The following SHISAL2B variants were observed in gnomAD, a reference collection of about 807,000 sequenced individuals.
SHISAL2B encodes protein shisa-like-2B.
SHISAL2B carries 12 observed loss-of-function variants against 16.5 expected under a neutral mutation model. That is an observed-to-expected ratio of 0.73 (90% CI 0.47 to 1.18). The LOEUF (loss-of-function observed/expected upper bound fraction) is 1.18, where lower values mean the gene tolerates loss of function less well. Ranked by LOEUF, SHISAL2B falls within the 50% of genes most tolerant of loss-of-function variation. SHISAL2B has a pLI of 0.00. For missense variants in SHISAL2B, 183 were observed against 193.6 expected (o/e 0.95, Z 0.33); for synonymous variants, 72 against 75.0 (o/e 0.96, Z 0.21).
chr5:64,692,761 A>G (rs1741667784), intron 1 of SHISAL2B, among the ~76,000 whole-genome samples: 2 of 152,174 alleles, frequency 1.3e-5, no homozygotes. Context: ...TGCTGAGGAA[A>G]GGATAATTCT....
chr5:64,712,676 A>G (rs940363846), intron 2 of SHISAL2B, among the ~76,000 whole-genome samples: 3 of 151,966 alleles, frequency 2.0e-5, no homozygotes, highest in Non-Finnish European at 2.9e-5. Context: ...GGGAGTCTAA[A>G]TCTCTTTGTA....
intron 1 of SHISAL2B, among the ~76,000 whole-genome samples, chr5:64,695,254 GACACC>G (rs1280413122): frequency 1.6e-5 from 2 of 125,398 alleles, no homozygotes; most frequent in African/African-American, 7.0e-5. Context: ...TTCAGAGTGA[GACACC>G]ATCTCAAAAA....
At chr5:64,703,594 T>A (rs1439308186) in intron 2 of SHISAL2B, among the ~76,000 whole-genome samples, 1 of 152,224 alleles carries the variant, frequency 6.6e-6, no homozygotes, top group Non-Finnish European at 1.5e-5. Flanking sequence ...GAAGCCAGTA[T>A]CTCATTGAAA....
chr5:64,702,977 C>A (rs540687501), intron 2 of SHISAL2B, among the ~76,000 whole-genome samples: 1 of 152,222 alleles, frequency 6.6e-6, no homozygotes, highest in South Asian at 2.1e-4. Context: ...TGTAGCTATA[C>A]AGTTTATTTT....
intron 1 of SHISAL2B, among the ~76,000 whole-genome samples, chr5:64,693,208 C>T (rs1257754876): frequency 2.0e-5 from 3 of 151,982 alleles, no homozygotes; most frequent in Admixed American, 6.6e-5. Context: ...GGGGTTTCAC[C>T]ATGTTAGCCA....
intron 2 of SHISAL2B, among the ~76,000 whole-genome samples, chr5:64,705,082 A>T (rs1368365959): frequency 2.0e-5 from 3 of 152,222 alleles, no homozygotes. Context: ...AAATCTTTGT[A>T]CTTAACACTG....
chr5:64,716,180 C>G (rs1742047970), intron 2 of SHISAL2B, among the ~76,000 whole-genome samples: 1 of 152,176 alleles, frequency 6.6e-6, no homozygotes, highest in Non-Finnish European at 1.5e-5. Flanking sequence ...TTTTCGGTCA[C>G]TTTCTTCACT....
chr5:64,717,291 A>G (rs1339529121), intron 2 of SHISAL2B, among the ~76,000 whole-genome samples: 1 of 152,150 alleles, frequency 6.6e-6, no homozygotes, highest in Non-Finnish European at 1.5e-5. Flanking sequence ...GTGAAATGAT[A>G]CATTAATTAT....
chr5:64,714,905 A>G (rs920586528), intron 2 of SHISAL2B, among the ~76,000 whole-genome samples: 2 of 152,184 alleles, frequency 1.3e-5, no homozygotes, highest in Non-Finnish European at 2.9e-5. Context: ...CAGCTCGTGC[A>G]CGGTGCGTGC....
intron 2 of SHISAL2B, among the ~76,000 whole-genome samples, chr5:64,712,954 C>G (rs1353730893): frequency 6.6e-6 from 1 of 152,052 alleles, no homozygotes; most frequent in African/African-American, 2.4e-5. Context: ...AGATGGGTTT[C>G]CTGAATACAG....
chr5:64,694,215 G>A, intron 1 of SHISAL2B: 1 of 388,338 alleles, frequency 2.6e-6, no homozygotes, highest in Non-Finnish European at 5.0e-6. Context: ...TCAATTGGCA[G>A]TCAATTATTA....
intron 2 of SHISAL2B, among the ~76,000 whole-genome samples, chr5:64,717,442 G>A (rs1742073295): frequency 6.6e-6 from 1 of 152,150 alleles, no homozygotes; most frequent in African/African-American, 2.4e-5. Context: ...TATATGGAGT[G>A]AGTGAATGGG....
chr5:64,704,775 A>G (rs1352712127), intron 2 of SHISAL2B, among the ~76,000 whole-genome samples: 2 of 152,076 alleles, frequency 1.3e-5, no homozygotes, highest in African/African-American at 2.4e-5. Context: ...TAAAAAAAAA[A>G]CAGAAAAGCT....
At chr5:64,694,598 G>C (rs567037563) in intron 1 of SHISAL2B, among the ~76,000 whole-genome samples, 6 of 152,300 alleles carry the variant, frequency 3.9e-5, no homozygotes, top group African/African-American at 1.4e-4. Context: ...TTTATTTTTA[G>C]AGAAAAATAC....
chr5:64,690,955 G>A, intron 1 of SHISAL2B, 141 bp downstream of exon 1: 2 of 684,200 alleles, frequency 2.9e-6, no homozygotes, highest in South Asian at 5.9e-5. Flanking sequence ...AGGACGCGGA[G>A]CCTCTGAGGG....
intron 2 of SHISAL2B, among the ~76,000 whole-genome samples, chr5:64,703,166 A>G (rs1308378264): frequency 6.6e-6 from 1 of 152,214 alleles, no homozygotes; most frequent in African/African-American, 2.4e-5. Context: ...GAAGTTGGGA[A>G]CTACTTTTCT....
intron 2 of SHISAL2B, among the ~76,000 whole-genome samples, chr5:64,702,546 A>G (rs996010236): frequency 6.6e-6 from 1 of 152,116 alleles, no homozygotes; most frequent in Non-Finnish European, 1.5e-5. Context: ...AGTTCGAAGT[A>G]TTAGTAATTA....
intron 2 of SHISAL2B, among the ~76,000 whole-genome samples, chr5:64,702,469 GGATTACAGGCGT>G (rs1488488009): frequency 6.6e-6 from 1 of 151,886 alleles, no homozygotes; most frequent in Admixed American, 6.6e-5. Flanking sequence ...CAAAGTGCTG[GGATTACAGGCGT>G]GAGCCACCGC....
chr5:64,694,208 A>G (rs1158948334), intron 1 of SHISAL2B: 6 of 397,488 alleles, frequency 1.5e-5, no homozygotes, highest in Non-Finnish European at 2.0e-5. Flanking sequence ...AGGTAGATCA[A>G]TTGGCAGTCA....
Sources: gnomAD v4.1 joint callset for allele counts (sites outside exome capture counted in the v4.1 genomes callset) on GRCh38, gnomAD v4.1.1 for gene constraint, MANE v1.5 for transcripts, NCBI Gene and HGNC (gene_info 2026-07-23, HGNC 2026-07-21) for gene names.